The following PHLDB2 variants were observed in gnomAD, a reference collection of about 807,000 sequenced individuals.
PHLDB2 encodes the protein pleckstrin homology like domain family B member 2.
Under a neutral mutation model 123.6 loss-of-function variants are expected in PHLDB2, and 71 were observed. That is an observed-to-expected ratio of 0.57 (90% CI 0.47 to 0.70). PHLDB2 has a LOEUF of 0.70. Among genes scored for constraint, PHLDB2 ranks in the 30% least tolerant of loss-of-function variants. The pLI, the probability that PHLDB2 is intolerant of heterozygous loss-of-function variation, is 0.00. For missense variants in PHLDB2, 1,446 were observed against 1,519.5 expected (o/e 0.95, Z 0.80); for synonymous variants, 547 against 541.6 (o/e 1.01, Z -0.14).
intron 1 of PHLDB2, among the ~76,000 whole-genome samples, chr3:111,775,414 A>G (rs142795843): frequency 6.6e-6 from 1 of 152,208 alleles, no homozygotes; most frequent in Admixed American, 6.5e-5. Context: ...AAAACTGGTT[A>G]GTCAAGAAGT....
At chr3:111,845,690 AC>A in intron 1 of PHLDB2, 5 of 1,030,280 alleles carry the variant, frequency 4.9e-6, no homozygotes, top group Non-Finnish European at 7.1e-6. Flanking sequence ...CTGTTTTTCA[AC>A]TTCAGCAGTA....
intron 8 of PHLDB2, 117 bp from the exon 9 acceptor site, chr3:111,945,151 A>G (rs1208133108): frequency 2.8e-6 from 2 of 715,698 alleles, no homozygotes; most frequent in Admixed American, 5.5e-5. Flanking sequence ...GATGAGAGGA[A>G]ATAGAAATGG....
intron 1 of PHLDB2, among the ~76,000 whole-genome samples, chr3:111,843,591 T>C (rs930524987): frequency 2.5e-4 from 38 of 152,180 alleles, no homozygotes; most frequent in African/African-American, 8.7e-4. Flanking sequence ...AGGATCTCTC[T>C]ATGTTGCCTG....
At chr3:111,802,130 C>T (rs2061400439) in intron 1 of PHLDB2, among the ~76,000 whole-genome samples, 1 of 152,182 alleles carries the variant, frequency 6.6e-6, no homozygotes, top group Admixed American at 6.5e-5. Context: ...CATCTAACAT[C>T]AAAACTTTGG....
At chr3:111,784,637 T>G (rs979561550) in intron 1 of PHLDB2, among the ~76,000 whole-genome samples, 44 of 152,194 alleles carry the variant, frequency 2.9e-4, no homozygotes, top group Non-Finnish European at 4.9e-4. Context: ...TTCTGAGTGA[T>G]GAAACTAGTA....
In PHLDB2 at chr3:111,911,661, G is replaced by A. The variant is rs757682315; in HGVS notation, c.1336-1658G>A. On this transcript the variant is annotated intron_variant, in intron 2 of 17. Transcript: ENST00000431670. ...GAGTGTGTAGCTATGAGTGCCTGCCGTGGGAAGAGGCCATGAGGACGGAGC... is the reference window on the plus strand; with the variant it reads ...GAGTGTGTAGCTATGAGTGCCTGCCATGGGAAGAGGCCATGAGGACGGAGC... The A allele has an allele frequency of 4.7e-5, 72 of 1,536,178 alleles. No homozygotes were observed. The East Asian group carries it at 9.8e-4, about 21-fold the overall frequency.
At chr3:111,796,125 C>G (rs1021487387) in intron 1 of PHLDB2, among the ~76,000 whole-genome samples, 1 of 152,132 alleles carries the variant, frequency 6.6e-6, no homozygotes, top group Non-Finnish European at 1.5e-5. Flanking sequence ...TCTCGAACTC[C>G]TGACCTCAGG....
chr3:111,796,812 C>G (rs1181830952), intron 1 of PHLDB2, among the ~76,000 whole-genome samples: 1 of 152,030 alleles, frequency 6.6e-6, no homozygotes, highest in East Asian at 1.9e-4. Flanking sequence ...TGTGCCTGGC[C>G]CAAGAGGGAG....
chr3:111,740,304 T>C (rs988899054), intron 1 of PHLDB2, among the ~76,000 whole-genome samples: 2 of 152,126 alleles, frequency 1.3e-5, no homozygotes, highest in African/African-American at 4.8e-5. Flanking sequence ...ATGTCTCAGT[T>C]GCATTTAGAG....
At position 111,971,596 on chromosome 3, in the gene PHLDB2, G is replaced by A. The variant is rs576845198; in HGVS notation, c.3535+1687G>A. On this transcript the variant is annotated intron_variant, in intron 16 of 17. Transcript: ENST00000431670. The stretch of plus-strand genomic sequence containing the variant: ...TAGTTGGACAAACGCTGCTCGTTCG[G>A]TTCTGTTTACGGCCATCACCTATCA... Among the ~76,000 whole-genome samples the A allele has an allele frequency of 1.3e-4, 20 of 152,192 alleles. No homozygotes were observed. In the East Asian group the frequency reaches 2.1e-3, roughly 16 times the overall value.
At chr3:111,830,299 G>A (rs2062880526) in intron 1 of PHLDB2, among the ~76,000 whole-genome samples, 1 of 152,102 alleles carries the variant, frequency 6.6e-6, no homozygotes, top group Non-Finnish European at 1.5e-5. Context: ...AATAAGCAGG[G>A]AAACTGAGGC....
chr3:111,876,006 C>T (rs2065595943), intron 1 of PHLDB2, among the ~76,000 whole-genome samples: 1 of 151,848 alleles, frequency 6.6e-6, no homozygotes, highest in South Asian at 2.1e-4. Context: ...GGTAAAACTG[C>T]CATCCAAATA....
At chr3:111,770,109 G>T (rs1403290783) in intron 1 of PHLDB2, among the ~76,000 whole-genome samples, 2 of 152,158 alleles carry the variant, frequency 1.3e-5, no homozygotes, top group African/African-American at 4.8e-5. Context: ...GAGAAAAACA[G>T]GCCAGAGCCA....
chr3:111,884,635 T>A lies in PHLDB2; in HGVS notation c.558T>A (p.Ser186Arg). The change falls in exon 2 of 18, where the codon AGT becomes AGA. Residue 186 changes from serine to arginine, a missense_variant. Coordinates refer to ENST00000431670, the MANE Select transcript of PHLDB2 (RefSeq NM_001134438.2). ...CCATGTGGAATGGAAGTTCCCTGAG[T>A]GATGCTGGCCCGCCTCCTATCAGCA... The part of the protein sequence containing the change: ...LLAMWNGSSL[S>R]DAGPPPISRS... 1.2e-6 allele frequency: 2 copies of A among 1,614,064 alleles called. No homozygotes were observed. The highest frequency in any genetic ancestry group is 1.7e-6 in the Non-Finnish European group (2 of 1,180,008).
intron 17 of PHLDB2, 33 bp downstream of exon 17, chr3:111,973,850 G>T: frequency 1.6e-6 from 2 of 1,289,550 alleles, no homozygotes; most frequent in Admixed American, 1.9e-5. Context: ...CCTACAATTT[G>T]AATGCATAAT....
chr3:111,898,958 G>A (rs1209792179), intron 2 of PHLDB2, among the ~76,000 whole-genome samples: 1 of 152,172 alleles, frequency 6.6e-6, no homozygotes, highest in Non-Finnish European at 1.5e-5. Context: ...CGTTCATGTT[G>A]ATAAAAATGT....
At chr3:111,938,362 A>T (rs369294632) in intron 6 of PHLDB2, among the ~76,000 whole-genome samples, 1 of 152,092 alleles carries the variant, frequency 6.6e-6, no homozygotes, top group Non-Finnish European at 1.5e-5. Flanking sequence ...CCACCGACAC[A>T]TCGTCATCAC....
chr3:111,942,272 A>G (rs1222433680), intron 8 of PHLDB2, among the ~76,000 whole-genome samples: 2 of 152,224 alleles, frequency 1.3e-5, no homozygotes, highest in Non-Finnish European at 2.9e-5. Context: ...ACTGATCTAT[A>G]GATACATTTT....
At chr3:111,934,910 G>A (rs2069375325) in intron 6 of PHLDB2, among the ~76,000 whole-genome samples, 1 of 152,082 alleles carries the variant, frequency 6.6e-6, no homozygotes, top group Non-Finnish European at 1.5e-5. Context: ...TGATTTTAGA[G>A]CCAGTGATAG....
Sources: gnomAD v4.1 joint callset for allele counts (sites outside exome capture counted in the v4.1 genomes callset) on GRCh38, gnomAD v4.1.1 for gene constraint, MANE v1.5 for transcripts, NCBI Gene and HGNC (gene_info 2026-07-23, HGNC 2026-07-21) for gene names.